The following SHC1 variants were observed in gnomAD, a reference collection of about 807,000 sequenced individuals.
The protein encoded by SHC1 is SHC adaptor protein 1.
In SHC1, 30 loss-of-function variants were observed where a neutral mutation model predicts 55.9. That is an observed-to-expected ratio of 0.54 (90% CI 0.40 to 0.73). The LOEUF (loss-of-function observed/expected upper bound fraction) is 0.73. Ranked by LOEUF, SHC1 falls within the 30% of genes least tolerant of loss-of-function variation. The pLI is 0.00. For missense variants in SHC1, 675 were observed against 777.1 expected, an observed-to-expected ratio of 0.87 and a Z score of 1.56; for synonymous variants, 309 against 306.1, an observed-to-expected ratio of 1.01 and a Z score of -0.10.
At position 154,963,622 on chromosome 1, in the gene SHC1, C is replaced by G. The variant is rs1224654069; in HGVS notation, c.*181G>C. On this transcript the variant is annotated 3_prime_UTR_variant, in exon 12 of 12. Transcript: ENST00000448116. ...TTAATGTTTGGGGAGAGGCAGGATTCTCACCCAGGCTTTTGACTCAAACCC... is the reference window on the plus strand; with the variant it reads ...TTAATGTTTGGGGAGAGGCAGGATTGTCACCCAGGCTTTTGACTCAAACCC... 2.2e-5 allele frequency: 13 copies of G among 600,674 alleles called. No homozygotes were observed. The highest frequency in any genetic ancestry group is 8.7e-6 in the Non-Finnish European group (3 of 343,590). 37.2% of individuals were successfully genotyped at this position (600,674 alleles called of 1,614,324 possible).
At position 154,968,547 on chromosome 1, in the gene SHC1, G is replaced by A; in HGVS notation, c.698C>T (p.Thr233Ile). 6 of 1,614,144 alleles carry A rather than the reference G, an allele frequency of 3.7e-6. No individual in the cohort carries two copies. The highest frequency in any genetic ancestry group is 1.6e-4 in the Middle Eastern group (1 of 6,062). The stretch of plus-strand genomic sequence containing the variant: ...GAGGCTGCTGGTGGAGACGGTGAGA[G>A]TGATTGGCATTCCAGCAAATTTCAG... The part of the protein sequence containing the change: ...SNLKFAGMPI[T>I]LTVSTSSLNL... Residue 233 changes from threonine to isoleucine, a missense_variant, in exon 4 of 12, where the codon ACT (threonine) becomes ATT (isoleucine). Transcript: ENST00000448116.
rs143882709 is a variant in SHC1, at chr1:154,968,252, G to T, written c.756C>A (p.Ile252=). The part of the protein sequence containing the change: ...NLMAADCKQI[I]ANHHMQSISF... ...AGATAGATTGCATGTGGTGGTTGGC[G>T]ATGATCTGAGAATTAGGGCAGGGGA... The change falls in exon 5 of 12, where the codon ATC becomes ATA. Residue 252 remains isoleucine, a synonymous_variant. Coordinates refer to ENST00000448116, the MANE Select transcript of SHC1 (RefSeq NM_001130040.2). 1 of 1,614,118 alleles carries T rather than the reference G, an allele frequency of 6.2e-7. No homozygotes were observed. The highest frequency in any genetic ancestry group is 8.5e-7 in the Non-Finnish European group (1 of 1,179,978).
intron 5 of SHC1, 65 bp downstream of exon 5, chr1:154,968,139 A>C (rs2102103180): frequency 1.3e-6 from 2 of 1,587,854 alleles, no homozygotes; most frequent in Non-Finnish European, 1.7e-6. Context: ...TTCTCTAATC[A>C]ATGTCTTCCC....
At chr1:154,968,644 G>C in intron 3 of SHC1, 30 bp from the exon 4 acceptor site, 1 of 1,613,772 alleles carries the variant, frequency 6.2e-7, no homozygotes, top group African/African-American at 1.3e-5. Context: ...CTCAGAAGGT[G>C]AGGGTTCCCA....
rs1488501883 is a variant in SHC1, at chr1:154,970,125, C to A, written c.402G>T (p.Trp134Cys). Reference protein sequence around the residue: ...VEGGQLGGEEWTRHGSFVNKP... With the variant: ...VEGGQLGGEECTRHGSFVNKP... ...TATTGACAAAGCTCCCGTGGCGGGT[C>A]CACTCCTCGCCCCCAAGCTGGCCCC... Residue 134 changes from tryptophan (W) to cysteine (C), a missense_variant, in exon 1 of 12, where the codon TGG becomes TGT. Around this residue, in one of 3 missense-constraint regions of SHC1, gnomAD observed 159 missense variants for 246.9 expected, o/e 0.64. Coordinates refer to ENST00000448116, the MANE Select transcript of SHC1 (RefSeq NM_001130040.2). The surrounding 1 kb of genome is among the most constrained non-coding windows in gnomAD (Gnocchi z 5.5). The A allele has an allele frequency of 6.2e-7, 1 of 1,613,162 alleles. No individual in the cohort carries two copies. Among genetic ancestry groups the A allele is most frequent in the African/African-American group, 1.3e-5 (1 of 74,884 alleles).
Position 154,969,460 on chromosome 1 carries a change from GA to G in SHC1, c.496-13del, listed in dbSNP as rs772854904. On this transcript the variant is annotated splice_polypyrimidine_tract_variant and intron_variant, in intron 1 of 11. Transcript: ENST00000448116. ...ACACAACCCATGTACTAAGGGGAGG[GA>G]GAAGAGGACAGCAGGTCAGCGGCTC... 99 of 1,602,774 alleles carry G rather than the reference GA, an allele frequency of 6.2e-5. No homozygotes were observed. In the East Asian group the frequency reaches 2.2e-3, roughly 35 times the overall value.
chr1:154,971,462 G>A (rs1034509865), upstream of SHC1, among the ~76,000 whole-genome samples: 1 of 152,224 alleles, frequency 6.6e-6, no homozygotes, highest in African/African-American at 2.4e-5. Context: ...GTCACGGCTT[G>A]TTCTCTACGT....
rs1656179429 is a variant in SHC1 at position 154,967,677 on chromosome 1, T to C, written c.977A>G (p.His326Arg). Residue 326 changes from histidine (H) to arginine (R), a missense_variant, in exon 7 of 12, where the codon CAT (histidine) becomes CGT (arginine). Transcript: ENST00000448116. ...ACTCTCCCCACCTGCTCACCTGTCA[T>C]GAGGGGTGACCAGTTTGGGTGGGTT... ...LRNPPKLVTP[H>R]DRMAGFDGSA... 2.5e-6 allele frequency: 4 copies of C among 1,613,482 alleles called. No homozygotes were observed. Among genetic ancestry groups the C allele is most frequent in the Non-Finnish European group, 3.4e-6 (4 of 1,179,708 alleles).
chr1:154,963,992 C>T (rs1411225959), intron 11 of SHC1, 61 bp from the exon 12 acceptor site: 3 of 1,588,198 alleles, frequency 1.9e-6, no homozygotes, highest in East Asian at 2.2e-5. Flanking sequence ...ACCTCAGCCT[C>T]CAAGGTGGAA....
chr1:154,963,596 A>G lies in SHC1; in HGVS notation c.*207T>C, dbSNP rs971570863. 1.6e-5 allele frequency: 9 copies of G among 554,780 alleles called. No individual in the cohort carries two copies. Among genetic ancestry groups the G allele is most frequent in the Admixed American group, 3.1e-5 (1 of 32,402 alleles). 34.4% of individuals were successfully genotyped at this position (554,780 alleles called of 1,614,324 possible). ...CACTCTGTACATTAATACTTTGGTG[A>G]TTAATGTTTGGGGAGAGGCAGGATT... On this transcript the variant is annotated 3_prime_UTR_variant, in exon 12 of 12. Transcript: ENST00000448116.
At chr1:154,965,329 G>T in intron 11 of SHC1, 2 of 1,479,026 alleles carry the variant, frequency 1.4e-6, no homozygotes, top group Non-Finnish European at 1.8e-6. Flanking sequence ...GAGCCACCAC[G>T]CCTGGCCCTG....
At position 154,967,683 on chromosome 1, in the gene SHC1, G is replaced by A; in HGVS notation, c.971C>T (p.Thr324Ile). The A allele has an allele frequency of 6.2e-7, 1 of 1,613,644 alleles. No homozygotes were observed. Among genetic ancestry groups the A allele is most frequent in the Non-Finnish European group, 8.5e-7 (1 of 1,179,754 alleles). ...QYLRNPPKLV[T>I]PHDRMAGFDG... ...CCCACCTGCTCACCTGTCATGAGGG[G>A]TGACCAGTTTGGGTGGGTTCCTGAG... Residue 324 changes from threonine to isoleucine, a missense_variant, in exon 7 of 12, where the codon ACC becomes ATC. By Grantham distance (89) the Thr-to-Ile change is moderately conservative. This residue lies in a region of SHC1 where 360 missense variants were observed against 371.1 expected (regional missense o/e 0.97). Coordinates refer to ENST00000448116, the MANE Select transcript of SHC1 (RefSeq NM_001130040.2).
At position 154,970,297 on chromosome 1, in the gene SHC1, C is replaced by A; in HGVS notation, c.230G>T (p.Arg77Leu). The change falls in exon 1 of 12, where the codon CGC becomes CTC. Residue 77 changes from arginine (R) to leucine (L), a missense_variant. Transcript: ENST00000448116. The surrounding 1 kb of genome is among the most constrained non-coding windows in gnomAD (Gnocchi z 5.5). ...TCCTGGCTCCCCCTTAGACCCTGGG[C>A]GCCCCCCAGCCGGGTTGGCCAGCCT... ...NLRLANPAGG[R>L]PGSKGEPGRA... is the part of the protein sequence containing the mutation. 1.2e-6 allele frequency: 2 copies of A among 1,603,820 alleles called. No homozygotes were observed. Among genetic ancestry groups the A allele is most frequent in the South Asian group, 1.1e-5 (1 of 89,972 alleles).
intron 1 of SHC1, among the ~76,000 whole-genome samples, chr1:154,969,723 G>C (rs1029945877): frequency 3.3e-5 from 5 of 152,006 alleles, no homozygotes. Context: ...TCCAGAAAGC[G>C]GGAGGAGAAT....
chr1:154,970,219 C>T lies in SHC1; in HGVS notation c.308G>A (p.Gly103Asp). ...CATGTCCTGGAGGAGGGGTAGGGGG[C>T]CTGAGTCTGGCATGGCTGCCCCTAC... ...GIVGAAMPDSGPLPLLQDMNK... is the reference protein window; with the variant it reads ...GIVGAAMPDSDPLPLLQDMNK... Residue 103 changes from glycine (G) to aspartate (D), a missense_variant, in exon 1 of 12, where the codon GGC (glycine) becomes GAC (aspartate). Coordinates refer to ENST00000448116, the MANE Select transcript of SHC1 (RefSeq NM_001130040.2). This position sits in a 1 kb window ranked among gnomAD's most constrained non-coding sequence, Gnocchi z 5.5. The T allele has an allele frequency of 6.2e-7, 1 of 1,613,580 alleles. No homozygotes were observed. The highest frequency in any genetic ancestry group is 8.5e-7 in the Non-Finnish European group (1 of 1,179,788).
chr1:154,973,795 T>C (rs964798679), upstream of SHC1, among the ~76,000 whole-genome samples: 3 of 152,146 alleles, frequency 2.0e-5, no homozygotes, highest in Admixed American at 6.6e-5. Flanking sequence ...TTCAGACTTC[T>C]GGGCGGGGAG....
At chr1:154,974,064 T>G, upstream of SHC1, among the ~76,000 whole-genome samples, 1 of 150,080 alleles carries the variant, frequency 6.7e-6, no homozygotes, top group African/African-American at 2.5e-5. Flanking sequence ...CAGGGTGGGG[T>G]CGGAGACAAA....
upstream of SHC1, among the ~76,000 whole-genome samples, chr1:154,971,834 T>C (rs1413903479): frequency 6.6e-6 from 1 of 151,914 alleles, no homozygotes; most frequent in East Asian, 1.9e-4. Context: ...AGAAGATGGG[T>C]TGAAGCTGGA....
chr1:154,964,457 A>G (rs1049491142), intron 11 of SHC1: 32 of 357,466 alleles, frequency 9.0e-5, no homozygotes, highest in Admixed American at 7.6e-4. Flanking sequence ...AAAAAAAAAG[A>G]AAGGAAGCTG....
Sources: gnomAD v4.1 joint callset for allele counts (sites outside exome capture counted in the v4.1 genomes callset) on GRCh38, gnomAD v4.1.1 for gene constraint, gnomAD v4.1.1 regional missense constraint, Gnocchi (gnomAD v3.1) non-coding constraint, MANE v1.5 for transcripts, NCBI Gene and HGNC (gene_info 2026-07-23, HGNC 2026-07-21) for gene names.